The following ZNF292 variants were observed in gnomAD, a reference collection of about 807,000 sequenced individuals.
ZNF292 encodes the protein 16 zinc-finger domain protein.
A neutral mutation model predicts 217.9 loss-of-function variants in ZNF292; 26 were observed. The observed-to-expected ratio is 0.12, with a 90% CI of 0.09 to 0.17. ZNF292 has a LOEUF of 0.17. ZNF292 is among the 10% of genes least tolerant of loss of function. The probability of loss-of-function intolerance (pLI) is 1.00; values close to 1 mark genes in which losing one functional copy is unlikely to be tolerated. For missense variants in ZNF292, 2,904 were observed against 3,175.2 expected, an observed-to-expected ratio of 0.91 and a Z score of 2.05; for synonymous variants, 1,257 against 1,124.1, an observed-to-expected ratio of 1.12 and a Z score of -2.37.
chr6:87,164,040 G>GC (rs1313033440), intron 1 of ZNF292, among the ~76,000 whole-genome samples: 4 of 152,082 alleles, frequency 2.6e-5, no homozygotes, highest in South Asian at 2.1e-4. Flanking sequence ...CGCCCACCTC[G>GC]CCCCGCCAAG....
intron 1 of ZNF292, among the ~76,000 whole-genome samples, chr6:87,207,912 C>T (rs1772313858): frequency 6.6e-6 from 1 of 152,118 alleles, no homozygotes; most frequent in Non-Finnish European, 1.5e-5. Context: ...CATGTTAGAG[C>T]TCCCTTTTTT....
chr6:87,208,489 T>A (rs1772339956), intron 1 of ZNF292, among the ~76,000 whole-genome samples: 1 of 152,144 alleles, frequency 6.6e-6, no homozygotes, highest in Non-Finnish European at 1.5e-5. Context: ...TATAACATGG[T>A]GTTTTTGTTC....
chr6:87,227,601 C>G (rs1049686245), intron 4 of ZNF292, among the ~76,000 whole-genome samples: 3 of 152,126 alleles, frequency 2.0e-5, no homozygotes, highest in Non-Finnish European at 2.9e-5. Context: ...CCCCTTTTCC[C>G]TTAGCCCTCA....
intron 1 of ZNF292, among the ~76,000 whole-genome samples, chr6:87,179,615 A>C (rs1049564715): frequency 2.0e-5 from 3 of 152,158 alleles, no homozygotes; most frequent in Admixed American, 6.5e-5. Context: ...ATTATAAATC[A>C]TATGTATAAA....
intron 1 of ZNF292, among the ~76,000 whole-genome samples, chr6:87,193,951 A>T (rs556486878): frequency 6.6e-6 from 1 of 152,322 alleles, no homozygotes; most frequent in Admixed American, 6.5e-5. Flanking sequence ...AGGAACTAAG[A>T]TGAGGAGAGA....
chr6:87,240,795 A>G (rs1174202402), intron 5 of ZNF292, among the ~76,000 whole-genome samples: 1 of 152,204 alleles, frequency 6.6e-6, no homozygotes, highest in Non-Finnish European at 1.5e-5. Flanking sequence ...AGAAATACGG[A>G]TTTTTATTAA....
chr6:87,180,438 AC>A (rs11329320), intron 1 of ZNF292, among the ~76,000 whole-genome samples: 95,288 of 152,002 alleles, frequency 0.63, 31,345 homozygotes, highest in African/African-American at 0.83. Flanking sequence ...GAGCAGACAG[AC>A]CCTTGTCTAG....
At chr6:87,186,461 C>T (rs1257451928) in intron 1 of ZNF292, among the ~76,000 whole-genome samples, 1 of 152,206 alleles carries the variant, frequency 6.6e-6, no homozygotes, top group African/African-American at 2.4e-5. Context: ...CACTTTGCAT[C>T]TTCACTCAAA....
At chr6:87,172,464 G>T (rs971081389) in intron 1 of ZNF292, among the ~76,000 whole-genome samples, 1 of 152,178 alleles carries the variant, frequency 6.6e-6, no homozygotes, top group African/African-American at 2.4e-5. Flanking sequence ...CCAGGAGTCA[G>T]TGAGTGGCGT....
Position 87,258,771 on chromosome 6 carries a change from A to T in ZNF292, c.5142A>T (p.Thr1714=), listed in dbSNP as rs1775387382. ...TCAAAACCAGTCTTGAGTCCCATACAGTGTTAGCCCCTTTAACATTAAAAA... is the reference window on the plus strand; with the variant it reads ...TCAAAACCAGTCTTGAGTCCCATACTGTGTTAGCCCCTTTAACATTAAAAA... The part of the protein sequence containing the change: ...ENFKTSLESH[T]VLAPLTLKTE... Residue 1714 remains threonine (T), a synonymous_variant, in exon 8 of 8, where the codon ACA becomes ACT. Coordinates refer to ENST00000369577, the MANE Select transcript of ZNF292 (RefSeq NM_015021.3). 2 of 1,613,578 alleles carry T rather than the reference A, an allele frequency of 1.2e-6. No individual in the cohort carries two copies. Among genetic ancestry groups the T allele is most frequent in the East Asian group, 2.2e-5 (1 of 44,848 alleles).
At position 87,258,287 on chromosome 6, in the gene ZNF292, C is replaced by T. The variant is rs199744299; in HGVS notation, c.4658C>T (p.Thr1553Met). 2.6e-4 allele frequency: 412 copies of T among 1,613,400 alleles called. No homozygotes were observed. The highest frequency in any genetic ancestry group is 3.8e-4 in the Admixed American group (23 of 59,868). Residue 1553 changes from threonine to methionine, a missense_variant, in exon 8 of 8, where the codon ACG becomes ATG. Physicochemically the swap from Thr to Met is moderately conservative, Grantham distance 81. Transcript: ENST00000369577. Reference protein sequence around the residue: ...PNTLLTNQNRTSNSKTSSIEE... With the variant: ...PNTLLTNQNRMSNSKTSSIEE... ...ACCTTGCTGACCAACCAGAATAGGA[C>T]GTCAAACTCCAAAACTTCCTCCATT...
rs772928170 is a variant in ZNF292 at position 87,256,237 on chromosome 6, T to C, written c.2608T>C (p.Ser870Pro). Residue 870 changes from serine (S) to proline (P), a missense_variant, in exon 8 of 8, where the codon TCT (serine) becomes CCT (proline). By Grantham distance (74) the Ser-to-Pro change is moderately conservative. Transcript: ENST00000369577. Reference sequence around the variant, plus strand: ...AGCAGAGAATATTGAGAAAGAAAGATCTATGCTTCCTTCAGAAAATAACAT... The same window carrying C: ...AGCAGAGAATATTGAGAAAGAAAGACCTATGCTTCCTTCAGAAAATAACAT... ...NTAENIEKERSMLPSENNIEN... is the reference protein window; with the variant it reads ...NTAENIEKERPMLPSENNIEN... 35 of 1,613,726 alleles carry C rather than the reference T, an allele frequency of 2.2e-5. No homozygotes were observed. In the East Asian group the frequency reaches 5.3e-4, roughly 25 times the overall value.
chr6:87,212,542 G>C (rs1772541120), intron 1 of ZNF292, among the ~76,000 whole-genome samples: 1 of 152,168 alleles, frequency 6.6e-6, no homozygotes. Context: ...TAGATTTCAA[G>C]GGTTTTAGGA....
rs199969506 is a variant in ZNF292, at chr6:87,236,405, T to TTA, written c.741+2878_741+2879insTA. Among the ~76,000 whole-genome samples, 585 of 143,884 alleles carry TTA rather than the reference T, an allele frequency of 4.1e-3. 3 individuals carry two copies. Among genetic ancestry groups the TTA allele is most frequent in the Non-Finnish European group, 5.9e-3 (385 of 65,808 alleles). The allele number at this position is 143,884 out of a possible 152,430, so 94.4% of individuals were successfully genotyped here. On this transcript the variant is annotated intron_variant, in intron 5 of 7. Coordinates refer to ENST00000369577, the MANE Select transcript of ZNF292 (RefSeq NM_015021.3). ...CCATAGGTTGTTTTTTTTTTTTTTT[T>TTA]AAAAAAGAAAAGAAATAGCAGCTAG...
chr6:87,249,981 A>T (rs1774821705), intron 7 of ZNF292, among the ~76,000 whole-genome samples: 2 of 146,456 alleles, frequency 1.4e-5, no homozygotes, highest in South Asian at 4.7e-4. Context: ...AAGTGCTAGG[A>T]TTATAGGCGT....
At chr6:87,171,445 GTAA>G (rs1052712778) in intron 1 of ZNF292, among the ~76,000 whole-genome samples, 2 of 151,794 alleles carry the variant, frequency 1.3e-5, no homozygotes, top group African/African-American at 4.8e-5. Flanking sequence ...TAGACTAGAG[GTAA>G]TAATATCTGC....
chr6:87,161,805 G>A (rs1274455673), intron 1 of ZNF292, among the ~76,000 whole-genome samples: 1 of 152,080 alleles, frequency 6.6e-6, no homozygotes, highest in Non-Finnish European at 1.5e-5. Flanking sequence ...CCTGAGAAAG[G>A]GCATACAATG....
chr6:87,167,638 C>A (rs780516017), intron 1 of ZNF292, among the ~76,000 whole-genome samples: 1 of 152,130 alleles, frequency 6.6e-6, no homozygotes, highest in African/African-American at 2.4e-5. Flanking sequence ...TGAAACGAAA[C>A]GCTGTCTTAA....
intron 1 of ZNF292, among the ~76,000 whole-genome samples, chr6:87,157,171 T>G (rs1418107162): frequency 3.3e-5 from 5 of 152,088 alleles, no homozygotes; most frequent in Non-Finnish European, 5.9e-5. Context: ...TGATGGCTGT[T>G]CATAATCTTA....
Sources: allele counts gnomAD v4.1 joint callset (sites outside exome capture counted in the v4.1 genomes callset), GRCh38; gene constraint gnomAD v4.1.1; transcripts MANE v1.5; gene names NCBI Gene and HGNC (gene_info 2026-07-23, HGNC 2026-07-21).